The following SLIT3 variants were observed in gnomAD, a reference collection of about 807,000 sequenced individuals.
SLIT3 encodes slit guidance ligand 3.
A neutral mutation model predicts 184.0 loss-of-function variants in SLIT3; 68 were observed. The observed-to-expected ratio is 0.37, with a 90% confidence interval of 0.30 to 0.45. SLIT3 has a LOEUF of 0.45. SLIT3 is among the 20% of genes least tolerant of loss of function. The pLI is 1.00. For missense variants in SLIT3, 1,707 were observed against 2,026.0 expected, an observed-to-expected ratio of 0.84 and a Z score of 3.02; for synonymous variants, 831 against 828.6, an observed-to-expected ratio of 1.00 and a Z score of -0.05.
At chr5:168,761,043 A>T (rs7725649) in intron 15 of SLIT3, 107 bp from the exon 16 acceptor site, 369,053 of 815,160 alleles carry the variant, frequency 0.45, 85,047 homozygotes, top group East Asian at 0.6. Context: ...TCGGTGAAGG[A>T]CCACAGAGCC....
chr5:169,227,150 T>C (rs1052577985), intron 3 of SLIT3, among the ~76,000 whole-genome samples: 1 of 152,154 alleles, frequency 6.6e-6, no homozygotes. Flanking sequence ...CACTGGCATA[T>C]ATAGGAATGG....
At chr5:168,780,668 A>G (rs1469523607) in intron 12 of SLIT3, among the ~76,000 whole-genome samples, 2 of 152,170 alleles carry the variant, frequency 1.3e-5, no homozygotes, top group African/African-American at 4.8e-5. Context: ...TAATTAAGCT[A>G]CAGGATATAG....
At chr5:169,246,961 T>G (rs1765614254) in intron 2 of SLIT3, among the ~76,000 whole-genome samples, 1 of 133,076 alleles carries the variant, frequency 7.5e-6, no homozygotes, top group Admixed American at 8.1e-5. Context: ...CTGGGCACAG[T>G]GGCTCACGCC....
At chr5:169,208,234 A>G (rs1298656282) in intron 3 of SLIT3, among the ~76,000 whole-genome samples, 1 of 152,136 alleles carries the variant, frequency 6.6e-6, no homozygotes, top group Admixed American at 6.5e-5. Flanking sequence ...TCTACATATT[A>G]TTACTTTGGC....
At chr5:169,231,793 A>G (rs79579937) in intron 3 of SLIT3, among the ~76,000 whole-genome samples, 8,567 of 152,240 alleles carry the variant, frequency 0.056, 375 homozygotes, top group East Asian at 0.19. Context: ...GTAACAGTAT[A>G]TGGTAAATGC....
intron 4 of SLIT3, among the ~76,000 whole-genome samples, chr5:168,938,713 C>A (rs1374421856): frequency 6.6e-6 from 1 of 152,132 alleles, no homozygotes; most frequent in Admixed American, 6.5e-5. Context: ...TCACTGCAAC[C>A]TCCTCCTCCC....
intron 4 of SLIT3, among the ~76,000 whole-genome samples, chr5:168,966,038 G>A (rs539402028): frequency 6.6e-6 from 1 of 152,324 alleles, no homozygotes; most frequent in Admixed American, 6.5e-5. Flanking sequence ...GTGCAGAAGT[G>A]CCTGAAGAGA....
At chr5:169,056,789 C>G (rs1758015855) in intron 4 of SLIT3, among the ~76,000 whole-genome samples, 2 of 152,166 alleles carry the variant, frequency 1.3e-5, no homozygotes, top group Non-Finnish European at 2.9e-5. Context: ...GCTGACTTCA[C>G]AGTCCCATGG....
At chr5:169,105,276 C>A (rs1447105672) in intron 4 of SLIT3, among the ~76,000 whole-genome samples, 3 of 152,202 alleles carry the variant, frequency 2.0e-5, no homozygotes, top group Non-Finnish European at 4.4e-5. Flanking sequence ...TTAAACCGCA[C>A]ATAAATTTAA....
chr5:168,992,703 A>T (rs1755369931), intron 4 of SLIT3, among the ~76,000 whole-genome samples: 1 of 152,168 alleles, frequency 6.6e-6, no homozygotes, highest in Non-Finnish European at 1.5e-5. Flanking sequence ...CCAGTCCCTG[A>T]TGTGTTCTGT....
chr5:169,282,605 T>C (rs1396526094), intron 1 of SLIT3, among the ~76,000 whole-genome samples: 1 of 152,230 alleles, frequency 6.6e-6, no homozygotes, highest in East Asian at 1.9e-4. Flanking sequence ...CATTTATGAT[T>C]GTCCTTCACC....
At chr5:169,246,894 C>T (rs1765609746) in intron 2 of SLIT3, among the ~76,000 whole-genome samples, 1 of 134,982 alleles carries the variant, frequency 7.4e-6, no homozygotes. Context: ...ACTACTCCAG[C>T]CTGGGTGACA....
At chr5:168,979,900 C>T (rs1754892845) in intron 4 of SLIT3, among the ~76,000 whole-genome samples, 1 of 152,104 alleles carries the variant, frequency 6.6e-6, no homozygotes, top group African/African-American at 2.4e-5. Flanking sequence ...TGTAGTTTTG[C>T]TGGGGATCAG....
chr5:169,191,470 A>G (rs1158421436), intron 4 of SLIT3, among the ~76,000 whole-genome samples: 1 of 152,188 alleles, frequency 6.6e-6, no homozygotes, highest in Non-Finnish European at 1.5e-5. Context: ...CTGAGGTTAT[A>G]AAGACAGGAA....
At chr5:168,979,395 C>T (rs1754875079) in intron 4 of SLIT3, among the ~76,000 whole-genome samples, 1 of 152,192 alleles carries the variant, frequency 6.6e-6, no homozygotes, top group Non-Finnish European at 1.5e-5. Flanking sequence ...TCTGTCTTGG[C>T]TGGGGTACCA....
At chr5:168,718,556 T>C (rs1762823940) in intron 23 of SLIT3, among the ~76,000 whole-genome samples, 1 of 152,084 alleles carries the variant, frequency 6.6e-6, no homozygotes, top group African/African-American at 2.4e-5. Context: ...GAATGTTCTC[T>C]TTTCGCTATT....
intron 5 of SLIT3, among the ~76,000 whole-genome samples, chr5:168,861,725 C>T (rs1759116302): frequency 1.3e-5 from 2 of 152,184 alleles, no homozygotes; most frequent in Non-Finnish European, 1.5e-5. Context: ...GCATGTGGAC[C>T]ATTCTAATGG....
At chr5:168,767,320 G>A (rs1207857568) in intron 14 of SLIT3, among the ~76,000 whole-genome samples, 1 of 152,168 alleles carries the variant, frequency 6.6e-6, no homozygotes, top group Non-Finnish European at 1.5e-5. Context: ...TTGCAGAATA[G>A]GACAAAGACT....
intron 4 of SLIT3, among the ~76,000 whole-genome samples, chr5:168,967,437 C>CCTTTTTTTTTTTTTTTTTTTTTT (rs1763237303): frequency 3.1e-5 from 1 of 32,732 alleles, no homozygotes; most frequent in African/African-American, 1.1e-4. Context: ...CATCTCAAAT[C>CCTTTTTTTTTTTTTTTTTTTTTT]TTTTTTTTTT....
Sources: allele counts gnomAD v4.1 joint callset (sites outside exome capture counted in the v4.1 genomes callset), GRCh38; gene constraint gnomAD v4.1.1; transcripts MANE v1.5; gene names NCBI Gene and HGNC (gene_info 2026-07-23, HGNC 2026-07-21).